ZNF382: variants seen among roughly 807,000 people sequenced by gnomAD.
The protein encoded by ZNF382 is zinc finger protein 382, also known as KRAB/zinc finger suppressor protein 1.
In ZNF382, 20 loss-of-function variants were observed where a neutral mutation model predicts 38.8. That is an observed-to-expected ratio of 0.51 (90% confidence interval 0.36 to 0.75). The LOEUF is 0.75. Among genes scored for constraint, ZNF382 ranks in the 30% least tolerant of loss-of-function variants. The pLI is 0.00. For missense variants in ZNF382, 546 were observed against 654.1 expected (o/e 0.83, Z 1.80); for synonymous variants, 202 against 223.1 (o/e 0.91, Z 0.84).
At chr19:36,613,585 C>T (rs190236834) in intron 4 of ZNF382, among the ~76,000 whole-genome samples, 64 of 152,082 alleles carry the variant, frequency 4.2e-4, no homozygotes, top group Non-Finnish European at 5.9e-4. Context: ...GGATTATAGG[C>T]GTGCACCACC....
intron 4 of ZNF382, among the ~76,000 whole-genome samples, chr19:36,619,966 C>G (rs553871019): frequency 1.3e-5 from 2 of 152,054 alleles, no homozygotes; most frequent in African/African-American, 2.4e-5. Flanking sequence ...CTCCTGACCT[C>G]GAGATCTGCC....
At chr19:36,617,191 T>C (rs575178216) in intron 4 of ZNF382, among the ~76,000 whole-genome samples, 2 of 152,148 alleles carry the variant, frequency 1.3e-5, no homozygotes, top group South Asian at 4.1e-4. Flanking sequence ...TCAGGAATTT[T>C]CTAGCCCTGA....
chr19:36,615,834 A>T (rs1379309866), intron 4 of ZNF382, among the ~76,000 whole-genome samples: 1 of 152,186 alleles, frequency 6.6e-6, no homozygotes, highest in Admixed American at 6.5e-5. Context: ...TTTTAAACAT[A>T]GTAAATATAA....
intron 4 of ZNF382, among the ~76,000 whole-genome samples, chr19:36,621,735 T>C (rs2037172408): frequency 1.3e-5 from 2 of 152,148 alleles, no homozygotes; most frequent in East Asian, 3.8e-4. Context: ...GTAGGTCATA[T>C]GCAAATACTA....
chr19:36,612,612 C>T (rs532198616), intron 4 of ZNF382, among the ~76,000 whole-genome samples: 7 of 152,300 alleles, frequency 4.6e-5, no homozygotes, highest in Admixed American at 1.3e-4. Flanking sequence ...GATTGCCCCA[C>T]GTTCTTTTCT....
intron 4 of ZNF382, among the ~76,000 whole-genome samples, chr19:36,623,683 A>T (rs1336242563): frequency 1.3e-5 from 2 of 151,812 alleles, no homozygotes; most frequent in Non-Finnish European, 2.9e-5. Flanking sequence ...AGTCCCAGCT[A>T]CTCAGGAGGT....
At chr19:36,625,256 T>C (rs1044146172) in intron 4 of ZNF382, among the ~76,000 whole-genome samples, 1 of 151,540 alleles carries the variant, frequency 6.6e-6, no homozygotes, top group South Asian at 2.1e-4. Flanking sequence ...TACGGTTATA[T>C]GGACATCTAG....
rs1245928472 is a variant in ZNF382 at position 36,628,906 on chromosome 19, C to CAAAG, written c.*1359_*1362dup. The CAAAG allele has an allele frequency of 6.7e-6, 1 of 149,632 alleles. No homozygotes were observed. The highest frequency in any genetic ancestry group is 1.5e-5 in the Non-Finnish European group (1 of 67,512). The allele number at this position is 149,632 out of a possible 1,614,324, so 9.3% of individuals were successfully genotyped here. On this transcript the variant is annotated 3_prime_UTR_variant, in exon 5 of 5. Transcript: ENST00000292928. ...CTGTTGCTCATTTCTTTTACACCATCAAAGAATTAATACCAAAGAAAGGAA... is the reference window on the plus strand; with the variant it reads ...CTGTTGCTCATTTCTTTTACACCATCAAAGAAAGAATTAATACCAAAGAAAGGAA...
intron 4 of ZNF382, among the ~76,000 whole-genome samples, chr19:36,624,367 A>G (rs1182815238): frequency 1.3e-5 from 2 of 152,224 alleles, no homozygotes; most frequent in Admixed American, 6.5e-5. Context: ...GTAATACATG[A>G]CACAGTTTTA....
Position 36,627,640 on chromosome 19 carries a change from G to A in ZNF382, c.*90G>A, listed in dbSNP as rs572465264. 154 of 863,278 alleles carry A rather than the reference G, an allele frequency of 1.8e-4. 1 individual carries two copies. Among genetic ancestry groups the A allele is most frequent in the Middle Eastern group, 7.1e-4 (3 of 4,230 alleles). 53.5% of individuals were successfully genotyped at this position (863,278 alleles called of 1,614,324 possible). A position where few individuals can be genotyped will look rare whatever the true frequency, so the allele number is the denominator to read the frequency against. On this transcript the variant is annotated 3_prime_UTR_variant, in exon 5 of 5. Coordinates refer to ENST00000292928, the MANE Select transcript of ZNF382 (RefSeq NM_032825.5). ...CAAGCGTAATATCCAACAGTTTAAGGTACTATACCACATGGTAACCTACTG... is the reference window on the plus strand; with the variant it reads ...CAAGCGTAATATCCAACAGTTTAAGATACTATACCACATGGTAACCTACTG...
In ZNF382 at chr19:36,628,318, TAGG is replaced by T. The variant is rs1389468705; in HGVS notation, c.*771_*773del. ...CATGTATTTCTCTTGTGTATATACTTAGGAGTGGAATCGCTGGGTCTTAGAGCA... is the reference window on the plus strand; with the variant it reads ...CATGTATTTCTCTTGTGTATATACTTAGTGGAATCGCTGGGTCTTAGAGCA... On this transcript the variant is annotated 3_prime_UTR_variant, in exon 5 of 5. Coordinates refer to ENST00000292928, the MANE Select transcript of ZNF382 (RefSeq NM_032825.5). The T allele has an allele frequency of 1.3e-5, 2 of 152,642 alleles. No individual in the cohort carries two copies. The highest frequency in any genetic ancestry group is 2.9e-5 in the Non-Finnish European group (2 of 68,058). The allele number at this position is 152,642 out of a possible 1,614,324, so 9.5% of individuals were successfully genotyped here. A position where few individuals can be genotyped will look rare whatever the true frequency, so the allele number is the denominator to read the frequency against.
chr19:36,627,494 T>A lies in ZNF382; in HGVS notation c.1597T>A (p.Ser533Thr). ...GTGTGGGAAGTTCTTCAGTTGTAAG[T>A]CAAACCTCATTGTCCATCAGAAAAC... ...KQCGKFFSCKSNLIVHQKTHK... is the reference protein window; with the variant it reads ...KQCGKFFSCKTNLIVHQKTHK... Residue 533 changes from serine to threonine, a missense_variant, in exon 5 of 5, where the codon TCA becomes ACA. Physicochemically the swap from Ser to Thr is moderately conservative, Grantham distance 58. Transcript: ENST00000292928. 1 of 1,613,864 alleles carries A rather than the reference T, an allele frequency of 6.2e-7. No individual in the cohort carries two copies. The highest frequency in any genetic ancestry group is 1.3e-5 in the African/African-American group (1 of 75,036).
intron 4 of ZNF382, among the ~76,000 whole-genome samples, chr19:36,625,335 A>G (rs936633477): frequency 2.0e-5 from 3 of 151,456 alleles, no homozygotes; most frequent in African/African-American, 7.3e-5. Context: ...TTTACCATTC[A>G]TGGGCTAAAT....
At chr19:36,606,615 C>T (rs1234515472) in intron 1 of ZNF382, among the ~76,000 whole-genome samples, 1 of 146,838 alleles carries the variant, frequency 6.8e-6, no homozygotes, top group South Asian at 2.2e-4. Context: ...CCCGCCCCCT[C>T]GGCCTGCCAA....
At position 36,631,509 on chromosome 19, in the gene ZNF382, T is replaced by G. The variant is rs577848336; in HGVS notation, c.*3959T>G. ...TTCAAGTGATTCTCCTGCCTCAGCC[T>G]CATGAGTAGCTGGGACTACAGGTGC... On this transcript the variant is annotated 3_prime_UTR_variant, in exon 5 of 5. Coordinates refer to ENST00000292928, the MANE Select transcript of ZNF382 (RefSeq NM_032825.5). The G allele has an allele frequency of 6.6e-6, 1 of 152,122 alleles. No homozygotes were observed. The highest frequency in any genetic ancestry group is 1.9e-4 in the East Asian group (1 of 5,168). The allele number at this position is 152,122 out of a possible 1,614,324, so 9.4% of individuals were successfully genotyped here. A position where few individuals can be genotyped will look rare whatever the true frequency, so the allele number is the denominator to read the frequency against.
rs1435712716 is a variant in ZNF382 at position 36,610,013 on chromosome 19, G to A, written c.99G>A (p.Arg33=). 1 of 1,613,662 alleles carries A rather than the reference G, an allele frequency of 6.2e-7. No homozygotes were observed. The highest frequency in any genetic ancestry group is 1.7e-5 in the Admixed American group (1 of 59,800). Residue 33 remains arginine (R), a synonymous_variant, in exon 3 of 5, where the codon AGG becomes AGA. Coordinates refer to ENST00000292928, the MANE Select transcript of ZNF382 (RefSeq NM_032825.5). ...ACCCTGCTCAGAAGGCGCTTTACAG[G>A]GATGTGATGTTGGAAAACTATTGCC... ...QLDPAQKALY[R]DVMLENYCHF...
chr19:36,626,329 A>G lies in ZNF382; in HGVS notation c.432A>G (p.Lys144=). Residue 144 remains lysine (K), a synonymous_variant, in exon 5 of 5, where the codon AAA becomes AAG. Coordinates refer to ENST00000292928, the MANE Select transcript of ZNF382 (RefSeq NM_032825.5). ...CEYKPDGKVL[K]NISELVIRNI... is the part of the protein sequence containing the mutation. ...ATAAACCTGATGGAAAAGTTTTGAAAAATATTTCAGAACTAGTCATTAGAA... is the reference window on the plus strand; with the variant it reads ...ATAAACCTGATGGAAAAGTTTTGAAGAATATTTCAGAACTAGTCATTAGAA... 6.3e-7 allele frequency: 1 copy of G among 1,584,610 alleles called. No individual in the cohort carries two copies. Among genetic ancestry groups the G allele is most frequent in the Non-Finnish European group, 8.5e-7 (1 of 1,170,980 alleles).
At position 36,627,386 on chromosome 19, in the gene ZNF382, T is replaced by C; in HGVS notation, c.1489T>C (p.Cys497Arg). ...AGAAAAATCCAATGGGTGTCCTCAG[T>C]GTGGGAAAGCCTTCAGTAGGAAATC... Reference protein sequence around the residue: ...TGEKSNGCPQCGKAFSRKSNL... With the variant: ...TGEKSNGCPQRGKAFSRKSNL... The change falls in exon 5 of 5, where the codon TGT becomes CGT. Residue 497 changes from cysteine to arginine, a missense_variant. Transcript: ENST00000292928. The C allele has an allele frequency of 2.5e-6, 4 of 1,614,116 alleles. No individual in the cohort carries two copies. Among genetic ancestry groups the C allele is most frequent in the Non-Finnish European group, 3.4e-6 (4 of 1,180,026 alleles).
rs61732180 is a variant in ZNF382, at chr19:36,627,537, C to T, written c.1640C>T (p.Thr547Met). Residue 547 changes from threonine to methionine, a missense_variant, in exon 5 of 5, where the codon ACG (threonine) becomes ATG (methionine). Thr to Met is a moderately conservative substitution (Grantham distance 81, BLOSUM62 -1). Coordinates refer to ENST00000292928, the MANE Select transcript of ZNF382 (RefSeq NM_032825.5). Reference sequence around the variant, plus strand: ...CAGAAAACTCACAAGGTAGAAACCACGGGAATTCAGTAAGTAATGTGGCTT... The same window carrying T: ...CAGAAAACTCACAAGGTAGAAACCATGGGAATTCAGTAAGTAATGTGGCTT... Reference protein sequence around the residue: ...VHQKTHKVETTGIQ With the variant: ...VHQKTHKVETMGIQ 322,206 of 1,606,582 alleles carry T rather than the reference C, an allele frequency of 0.2. 34,072 individuals carry two copies. Among genetic ancestry groups the T allele is most frequent in the Non-Finnish European group, 0.22 (258,939 of 1,174,072 alleles).
Sources: gnomAD v4.1 joint callset for allele counts (sites outside exome capture counted in the v4.1 genomes callset) on GRCh38, gnomAD v4.1.1 for gene constraint, MANE v1.5 for transcripts, NCBI Gene and HGNC (gene_info 2026-07-23, HGNC 2026-07-21) for gene names.